Variants in SRPK2 observed in about 807,000 individuals in gnomAD.
SRPK2 encodes SRSF protein kinase 2, also known as SFRS protein kinase 2.
A neutral mutation model predicts 90.8 loss-of-function variants in SRPK2; 21 were observed. The ratio of observed to expected loss-of-function variants is 0.23; its 90% CI spans 0.16 to 0.33. SRPK2 has a LOEUF of 0.33. Among genes scored for constraint, SRPK2 ranks in the 10% least tolerant of loss-of-function variants. The pLI, the probability that SRPK2 is intolerant of heterozygous loss-of-function variation, is 1.00. For synonymous variants in SRPK2, 288 were observed against 311.1 expected (o/e 0.93, Z 0.78); for missense variants, 620 against 869.0 (o/e 0.71, Z 3.60).
intron 2 of SRPK2, among the ~76,000 whole-genome samples, chr7:105,221,135 C>T (rs950787814): frequency 2.0e-5 from 3 of 152,110 alleles, no homozygotes; most frequent in Admixed American, 6.6e-5. Flanking sequence ...CCTCAACTCA[C>T]GATGAGGAAT....
At chr7:105,190,964 G>A (rs1794209283) in intron 3 of SRPK2, among the ~76,000 whole-genome samples, 1 of 151,866 alleles carries the variant, frequency 6.6e-6, no homozygotes, top group Non-Finnish European at 1.5e-5. Flanking sequence ...GTATGTATGG[G>A]GTATGATGTG....
intron 13 of SRPK2, among the ~76,000 whole-genome samples, chr7:105,131,069 G>A (rs1486304796): frequency 6.6e-6 from 1 of 152,212 alleles, no homozygotes; most frequent in Non-Finnish European, 1.5e-5. Context: ...GTATAAAATT[G>A]TGCTGAAAGC....
intron 2 of SRPK2, among the ~76,000 whole-genome samples, chr7:105,242,646 T>C (rs1327108299): frequency 6.6e-6 from 1 of 152,240 alleles, no homozygotes; most frequent in Non-Finnish European, 1.5e-5. Context: ...CAGGTGTGCA[T>C]GCACACATGT....
intron 2 of SRPK2, among the ~76,000 whole-genome samples, chr7:105,221,835 A>G (rs1487014211): frequency 6.6e-6 from 1 of 152,218 alleles, no homozygotes; most frequent in African/African-American, 2.4e-5. Flanking sequence ...TACCAAAATA[A>G]TATTTGTTCA....
Position 105,176,982 on chromosome 7 carries a change from G to A in SRPK2, c.230-7717C>T, listed in dbSNP as rs139842800. Among the ~76,000 whole-genome samples the A allele has an allele frequency of 7.5e-3, 1,146 of 152,172 alleles. 22 individuals carry two copies. Among genetic ancestry groups the A allele is most frequent in the African/African-American group, 0.026 (1,096 of 41,514 alleles). On this transcript the variant is annotated intron_variant, in intron 3 of 15. Transcript: ENST00000393651. ...AAGTAAGAATCTGTTCAATGATTTT[G>A]ATCACTTTTCTAATGGACTGTCATT...
Position 105,122,871 on chromosome 7 carries a change from T to C in SRPK2, c.1915+3377A>G, listed in dbSNP as rs549720778. ...TCCCAACACACTCGATGCTGTCATC[T>C]AGAGACCAGTTTTTTTTTTTTAAGT... On this transcript the variant is annotated intron_variant, in intron 15 of 15. Coordinates refer to ENST00000393651, the MANE Select transcript of SRPK2 (RefSeq NM_182692.3). 2.0e-5 allele frequency among the ~76,000 whole-genome samples: 3 copies of C among 152,142 alleles called. No individual in the cohort carries two copies. The East Asian group carries it at 5.8e-4, about 29-fold the overall frequency.
At chr7:105,122,130 C>T (rs1467044596) in intron 15 of SRPK2, among the ~76,000 whole-genome samples, 1 of 151,980 alleles carries the variant, frequency 6.6e-6, no homozygotes, top group Non-Finnish European at 1.5e-5. Context: ...GTGTATAAAC[C>T]CTACCTCACA....
intron 2 of SRPK2, among the ~76,000 whole-genome samples, chr7:105,282,270 C>G (rs904413484): frequency 1.3e-4 from 20 of 152,086 alleles, no homozygotes; most frequent in African/African-American, 4.8e-4. Flanking sequence ...TATTCACATG[C>G]AGGAGAATGA....
intron 2 of SRPK2, among the ~76,000 whole-genome samples, chr7:105,332,459 A>T (rs776708627): frequency 2.0e-5 from 3 of 152,144 alleles, no homozygotes; most frequent in Non-Finnish European, 4.4e-5. Context: ...AGTGATATTT[A>T]AAAAATAAGT....
In SRPK2 at chr7:105,252,034, T is replaced by C. The variant is rs75059662; in HGVS notation, c.72-48249A>G. 9.3e-4 allele frequency among the ~76,000 whole-genome samples: 142 copies of C among 152,332 alleles called. 1 individual carries two copies. The highest frequency in any genetic ancestry group is 3.2e-3 in the African/African-American group (135 of 41,594). Reference sequence around the variant, plus strand: ...AACATTTAAGAAACTACACTCCTTTTACTTTAAAACTGTTTTATGTTAGTA... The same window carrying C: ...AACATTTAAGAAACTACACTCCTTTCACTTTAAAACTGTTTTATGTTAGTA... On this transcript the variant is annotated intron_variant, in intron 2 of 15. Transcript: ENST00000393651.
chr7:105,390,595 A>ATTTTTGTTTTTG (rs1350270155), upstream of SRPK2, among the ~76,000 whole-genome samples: 2 of 123,824 alleles, frequency 1.6e-5, no homozygotes, highest in African/African-American at 3.3e-5. Context: ...CATCTAGTTA[A>ATTTTTGTTTTTG]TTTTTGTTTT....
At position 105,142,440 on chromosome 7, in the gene SRPK2, C is replaced by G. The variant is rs772745182; in HGVS notation, c.1111G>C (p.Glu371Gln). 6.2e-7 allele frequency: 1 copy of G among 1,613,044 alleles called. No homozygotes were observed. The highest frequency in any genetic ancestry group is 1.7e-5 in the Admixed American group (1 of 59,816). Residue 371 changes from glutamate to glutamine, a missense_variant, in exon 11 of 16, where the codon GAA becomes CAA. By Grantham distance (29) the Glu-to-Gln change is conservative (BLOSUM62 2). Coordinates refer to ENST00000393651, the MANE Select transcript of SRPK2 (RefSeq NM_182692.3). ...TGATCTACATCATCTTCATCTTTTT[C>G]AATGTTTTCTTTCTCAGCATCTTCT... ...EKEDAEKENI[E>Q]KDEDDVDQEL...
At chr7:105,377,734 A>G (rs1329709957) in intron 2 of SRPK2, among the ~76,000 whole-genome samples, 1 of 152,102 alleles carries the variant, frequency 6.6e-6, no homozygotes, top group Non-Finnish European at 1.5e-5. Flanking sequence ...AAGCCTGGCC[A>G]AAGTCACCAT....
intron 2 of SRPK2, among the ~76,000 whole-genome samples, chr7:105,300,856 T>C (rs1810461397): frequency 6.6e-6 from 1 of 152,124 alleles, no homozygotes; most frequent in African/African-American, 2.4e-5. Context: ...CATTAAAATA[T>C]CAAGAAACAA....
At chr7:105,379,687 G>A (rs1418074394) in intron 2 of SRPK2, among the ~76,000 whole-genome samples, 2 of 152,088 alleles carry the variant, frequency 1.3e-5, no homozygotes, top group African/African-American at 2.4e-5. Context: ...CAATTAAGAC[G>A]AATGCACTGG....
chr7:105,391,276 G>C (rs1452353707), upstream of SRPK2, among the ~76,000 whole-genome samples: 3 of 152,060 alleles, frequency 2.0e-5, no homozygotes, highest in African/African-American at 7.2e-5. Context: ...CACGATCTCA[G>C]CTCTTCGCAA....
intron 2 of SRPK2, among the ~76,000 whole-genome samples, chr7:105,357,277 G>A (rs1165016547): frequency 2.0e-5 from 3 of 152,030 alleles, no homozygotes; most frequent in Non-Finnish European, 4.4e-5. Flanking sequence ...CTGACCTTGT[G>A]ATCCGCCTGC....
At chr7:105,342,470 C>T (rs1234190174) in intron 2 of SRPK2, among the ~76,000 whole-genome samples, 1 of 152,064 alleles carries the variant, frequency 6.6e-6, no homozygotes, top group African/African-American at 2.4e-5. Context: ...GAGAAGCCTA[C>T]AACATCAAAT....
chr7:105,233,588 C>T (rs1350391021), intron 2 of SRPK2, among the ~76,000 whole-genome samples: 1 of 152,164 alleles, frequency 6.6e-6, no homozygotes, highest in Non-Finnish European at 1.5e-5. Context: ...CGCAGTGGCT[C>T]ACACCTGTTA....
Sources: gnomAD v4.1 joint callset for allele counts (sites outside exome capture counted in the v4.1 genomes callset) on GRCh38, gnomAD v4.1.1 for gene constraint, MANE v1.5 for transcripts, NCBI Gene and HGNC (gene_info 2026-07-23, HGNC 2026-07-21) for gene names.